TGFBR3: variants seen among roughly 807,000 people sequenced by gnomAD.
TGFBR3 encodes transforming growth factor beta receptor type 3.
TGFBR3 carries 46 observed loss-of-function variants against 87.9 expected under a neutral mutation model. The observed-to-expected ratio is 0.52, with a 90% CI of 0.41 to 0.67. The LOEUF (loss-of-function observed/expected upper bound fraction) is 0.67. Among genes scored for constraint, TGFBR3 ranks in the 30% least tolerant of loss-of-function variants. The pLI is 0.00. For missense variants in TGFBR3, 866 were observed against 1,041.9 expected, an observed-to-expected ratio of 0.83 and a Z score of 2.32; for synonymous variants, 381 against 391.6, an observed-to-expected ratio of 0.97 and a Z score of 0.32.
intron 2 of TGFBR3, chr1:91,829,923 G>T (rs934492371): frequency 6.6e-6 from 1 of 151,986 alleles, no homozygotes; most frequent in Admixed American, 6.6e-5. Flanking sequence ...AGTCCCCTGG[G>T]AGTCCCCAGG....
chr1:91,847,198 A>C lies in TGFBR3; in HGVS notation c.61+14273T>G, dbSNP rs182741994. Among the ~76,000 whole-genome samples, 411 of 152,356 alleles carry C rather than the reference A, an allele frequency of 2.7e-3. 3 individuals are homozygous for C. The highest frequency in any genetic ancestry group is 9.6e-3 in the African/African-American group (400 of 41,578). On this transcript the variant is annotated intron_variant, in intron 2 of 16. Coordinates refer to ENST00000212355, the MANE Select transcript of TGFBR3 (RefSeq NM_003243.5). Reference sequence around the variant, plus strand: ...AATATTCTCAGTCTTATCCCCACTTATAATAAATGTGGTGTCAGGGTGCTT... The same window carrying C: ...AATATTCTCAGTCTTATCCCCACTTCTAATAAATGTGGTGTCAGGGTGCTT...
At chr1:91,703,447 C>T (rs3767574) in intron 14 of TGFBR3, among the ~76,000 whole-genome samples, 24,359 of 152,038 alleles carry the variant, frequency 0.16, 2,268 homozygotes, top group Non-Finnish European at 0.22. Flanking sequence ...GGTGAAAATA[C>T]GGAGAAAATT....
chr1:91,857,850 C>T (rs540125008), intron 2 of TGFBR3, among the ~76,000 whole-genome samples: 1 of 152,304 alleles, frequency 6.6e-6, no homozygotes, highest in Admixed American at 6.5e-5. Flanking sequence ...TACTACTGTG[C>T]TTTGTACTCA....
At chr1:91,821,470 C>T (rs1316904423) in intron 2 of TGFBR3, among the ~76,000 whole-genome samples, 6 of 151,916 alleles carry the variant, frequency 3.9e-5, no homozygotes, top group African/African-American at 1.2e-4. Flanking sequence ...ATATGCTCTA[C>T]TTTATCATAA....
chr1:91,885,063 A>T (rs561457672), intron 1 of TGFBR3, among the ~76,000 whole-genome samples: 50 of 152,230 alleles, frequency 3.3e-4, no homozygotes, highest in Non-Finnish European at 6.5e-4. Context: ...ACATTAAATC[A>T]TTAGATGCTC....
At chr1:91,841,576 C>T (rs1407920492) in intron 2 of TGFBR3, among the ~76,000 whole-genome samples, 8 of 148,058 alleles carry the variant, frequency 5.4e-5, no homozygotes, top group East Asian at 2.0e-4. Flanking sequence ...GGGCAGATCA[C>T]GAGGTCAGGA....
intron 2 of TGFBR3, among the ~76,000 whole-genome samples, chr1:91,891,848 T>A (rs1679458306): frequency 6.6e-6 from 1 of 152,228 alleles, no homozygotes; most frequent in African/African-American, 2.4e-5. Context: ...TGGTGTTTTA[T>A]TTCATCATAA....
At chr1:91,691,877 A>G (rs1451389478) in intron 16 of TGFBR3, among the ~76,000 whole-genome samples, 1 of 152,194 alleles carries the variant, frequency 6.6e-6, no homozygotes, top group East Asian at 1.9e-4. Context: ...TGATAAATAC[A>G]TAGAAAATTA....
upstream of TGFBR3, chr1:91,886,174 G>C (rs549879810): frequency 2.2e-6 from 1 of 453,896 alleles, no homozygotes. Context: ...CCGACCCGGC[G>C]CACTCGCCCT....
At chr1:91,755,517 T>A (rs565654255) in intron 4 of TGFBR3, among the ~76,000 whole-genome samples, 6 of 152,296 alleles carry the variant, frequency 3.9e-5, no homozygotes, top group Non-Finnish European at 5.9e-5. Flanking sequence ...GGAATTTAAA[T>A]CCTTGACTTC....
intron 2 of TGFBR3, among the ~76,000 whole-genome samples, chr1:91,856,607 C>T (rs1190588100): frequency 6.6e-6 from 1 of 152,162 alleles, no homozygotes; most frequent in Non-Finnish European, 1.5e-5. Context: ...CAAAAGGAGG[C>T]CTTTGACAAC....
chr1:91,727,873 T>G (rs1002841514), intron 6 of TGFBR3, 67 bp from the exon 7 acceptor site: 107 of 1,579,516 alleles, frequency 6.8e-5, no homozygotes, highest in Non-Finnish European at 8.9e-5. Flanking sequence ...TCTCCCCTCT[T>G]CCAAGTCTTC....
At position 91,683,720 on chromosome 1, in the gene TGFBR3, C is replaced by CGGGTTGGGCTGGGTTGGGCT; in HGVS notation, c.2555_*18dup. ...TGAGCTGGGCTGGGCTGGGTTGGGC[C>CGGGTTGGGCTGGGTTGGGCT]GGGTTGGGCTGGGTTGGGCTAGGCC... is the stretch of plus-strand genomic sequence containing the variant. On this transcript the variant is annotated 3_prime_UTR_variant, in exon 17 of 17. Coordinates refer to ENST00000212355, the MANE Select transcript of TGFBR3 (RefSeq NM_003243.5). 2 of 1,407,068 alleles carry CGGGTTGGGCTGGGTTGGGCT rather than the reference C, an allele frequency of 1.4e-6. No homozygotes were observed. Among genetic ancestry groups the CGGGTTGGGCTGGGTTGGGCT allele is most frequent in the South Asian group, 2.4e-5 (2 of 81,818 alleles). 87.2% of individuals were successfully genotyped at this position (1,407,068 alleles called of 1,614,324 possible).
At position 91,703,506 on chromosome 1, in the gene TGFBR3, A is replaced by G. The variant is rs527717893; in HGVS notation, c.2287+5157T>C. Among the ~76,000 whole-genome samples, 15 of 152,332 alleles carry G rather than the reference A, an allele frequency of 9.8e-5. 1 individual carries two copies. In the East Asian group the frequency reaches 2.5e-3, roughly 25 times the overall value. ...CTAAGAATTAAACACATCTATAGGT[A>G]TGTAAATCACGGCAAATTTTGGAAT... On this transcript the variant is annotated intron_variant, in intron 14 of 16. Transcript: ENST00000212355.
upstream of TGFBR3, among the ~76,000 whole-genome samples, chr1:91,886,668 A>G (rs1475879782): frequency 6.6e-6 from 1 of 152,098 alleles, no homozygotes; most frequent in Admixed American, 6.6e-5. Flanking sequence ...CCCCATGCAC[A>G]CATTCATTCT....
intron 7 of TGFBR3, among the ~76,000 whole-genome samples, chr1:91,722,961 G>A (rs1358573543): frequency 6.6e-6 from 1 of 152,198 alleles, no homozygotes; most frequent in East Asian, 1.9e-4. Context: ...CTTCAGTGTG[G>A]AGACTATCCC....
At chr1:91,730,103 C>T (rs1274868921) in intron 5 of TGFBR3, 130 bp from the exon 6 acceptor site, 4 of 1,060,582 alleles carry the variant, frequency 3.8e-6, no homozygotes, top group Admixed American at 2.0e-5. Context: ...GATGGTTCTT[C>T]GTCTGTGAAG....
intron 2 of TGFBR3, among the ~76,000 whole-genome samples, chr1:91,839,409 G>A (rs917690756): frequency 4.6e-5 from 7 of 152,018 alleles, no homozygotes; most frequent in African/African-American, 7.3e-5. Flanking sequence ...TTCATACTCC[G>A]TAACATTAAA....
At chr1:91,840,599 A>G (rs962811318) in intron 2 of TGFBR3, among the ~76,000 whole-genome samples, 2 of 152,050 alleles carry the variant, frequency 1.3e-5, no homozygotes, top group Non-Finnish European at 2.9e-5. Context: ...TTACTGCCAA[A>G]TAAGACATAT....
Sources: allele counts gnomAD v4.1 joint callset (sites outside exome capture counted in the v4.1 genomes callset), GRCh38; gene constraint gnomAD v4.1.1; transcripts MANE v1.5; gene names NCBI Gene and HGNC (gene_info 2026-07-23, HGNC 2026-07-21).